PLA2G4D: variants seen among roughly 807,000 people sequenced by gnomAD.
PLA2G4D encodes the protein phospholipase A2 group IVD, also known as cytosolic phospholipase A2 delta.
In PLA2G4D, 80 loss-of-function variants were observed where a neutral mutation model predicts 94.4. The observed-to-expected ratio is 0.85, with a 90% CI of 0.71 to 1.02. The LOEUF is 1.02. Among genes scored for constraint, PLA2G4D ranks in the 50% least tolerant of loss-of-function variants. The pLI is 0.00. For missense variants in PLA2G4D, 1,050 were observed against 1,034.7 expected (o/e 1.01, Z -0.20); for synonymous variants, 438 against 440.9 (o/e 0.99, Z 0.08).
At chr15:42,072,035 C>T (rs1889834881) in intron 14 of PLA2G4D, 124 bp from the exon 15 acceptor site, 1 of 1,315,914 alleles carries the variant, frequency 7.6e-7, no homozygotes, top group African/African-American at 1.5e-5. Flanking sequence ...GGCACCAATG[C>T]AGCAGATGTG....
intron 13 of PLA2G4D, among the ~76,000 whole-genome samples, chr15:42,073,591 G>A (rs1668575): frequency 0.3 from 45,197 of 152,016 alleles, 6,916 homozygotes; most frequent in South Asian, 0.39. Context: ...ATGGAAGAGT[G>A]TCTAGTTCTA....
rs776830539 is a variant in PLA2G4D, at chr15:42,079,653, A to G, written c.1201T>C (p.Ser401Pro). The G allele has an allele frequency of 6.2e-7, 1 of 1,611,866 alleles. No homozygotes were observed. The highest frequency in any genetic ancestry group is 1.1e-5 in the South Asian group (1 of 90,792). The change falls in exon 13 of 20, where the codon TCC (serine) becomes CCC (proline). Residue 401 changes from serine to proline, a missense_variant. Ser to Pro is a moderately conservative substitution (Grantham distance 74). Coordinates refer to ENST00000290472, the MANE Select transcript of PLA2G4D (RefSeq NM_178034.4). ...CGGTAGCTCGCCAGGCGCTCTGGGG[A>G]AAAGACCTCCAGCTTGCTCTTGGCC... ...HLAKSKLEVF[S>P]PERLASYRRE... is the part of the protein sequence containing the mutation.
At chr15:42,080,811 C>G (rs75203669) in intron 12 of PLA2G4D, among the ~76,000 whole-genome samples, 186 bp downstream of exon 12, 5 of 152,210 alleles carry the variant, frequency 3.3e-5, no homozygotes, top group Admixed American at 6.5e-5. Context: ...CCTCCTGCGC[C>G]GCCTCGCTCA....
In PLA2G4D at chr15:42,084,115, T is replaced by G; in HGVS notation, c.472-336A>C. Reference sequence around the variant, plus strand: ...TGTGGCTTGGAGCTGGAGGAGGTATTCTACCACAACTCCAAATAATCTAAG... The same window carrying G: ...TGTGGCTTGGAGCTGGAGGAGGTATGCTACCACAACTCCAAATAATCTAAG... On this transcript the variant is annotated intron_variant, in intron 6 of 19. Transcript: ENST00000290472. The surrounding 1 kb of genome is among the most constrained non-coding windows in gnomAD (Gnocchi z 4.8). The G allele has an allele frequency of 3.3e-6, 1 of 301,400 alleles. No homozygotes were observed. Among genetic ancestry groups the G allele is most frequent in the Non-Finnish European group, 6.3e-6 (1 of 158,354 alleles). 18.7% of individuals were successfully genotyped at this position (301,400 alleles called of 1,614,324 possible).
chr15:42,069,800 G>A lies in PLA2G4D; in HGVS notation c.2230+109C>T, dbSNP rs1175380693. On this transcript the variant is annotated intron_variant, in intron 19 of 19. Coordinates refer to ENST00000290472, the MANE Select transcript of PLA2G4D (RefSeq NM_178034.4). Reference sequence around the variant, plus strand: ...TGGGCCTGGATGGGCCTAGCCTGAAGCCTTCTCCTGGCAGACTCATTTCCC... The same window carrying A: ...TGGGCCTGGATGGGCCTAGCCTGAAACCTTCTCCTGGCAGACTCATTTCCC... 14 of 1,038,888 alleles carry A rather than the reference G, an allele frequency of 1.3e-5. 1 individual carries two copies. The highest frequency in any genetic ancestry group is 2.1e-5 in the South Asian group (1 of 47,534). 64.4% of individuals were successfully genotyped at this position (1,038,888 alleles called of 1,614,324 possible). A position where few individuals can be genotyped will look rare whatever the true frequency, so the allele number is the denominator to read the frequency against.
intron 1 of PLA2G4D, among the ~76,000 whole-genome samples, chr15:42,093,813 C>G (rs1388173665): frequency 6.6e-6 from 1 of 152,212 alleles, no homozygotes; most frequent in African/African-American, 2.4e-5. Context: ...TCCTGGCCAC[C>G]ACCTGGGGCA....
At chr15:42,072,057 G>T in intron 14 of PLA2G4D, 146 bp from the exon 15 acceptor site, 2 of 1,175,566 alleles carry the variant, frequency 1.7e-6, no homozygotes, top group Non-Finnish European at 2.4e-6. Flanking sequence ...GGAATGGGCA[G>T]TCCTGGACTG....
intron 1 of PLA2G4D, among the ~76,000 whole-genome samples, chr15:42,088,531 C>G (rs1890194564): frequency 6.6e-6 from 1 of 152,198 alleles, no homozygotes; most frequent in African/African-American, 2.4e-5. Flanking sequence ...CAGGAGGGCC[C>G]TGGAGTTTCT....
chr15:42,093,915 TG>T (rs909963758), intron 1 of PLA2G4D, among the ~76,000 whole-genome samples: 3 of 150,538 alleles, frequency 2.0e-5, no homozygotes, highest in Non-Finnish European at 3.0e-5. Flanking sequence ...TGACAGAGGG[TG>T]GGGGGGTGGC....
intron 13 of PLA2G4D, among the ~76,000 whole-genome samples, chr15:42,075,442 A>T (rs1189543903): frequency 6.6e-6 from 1 of 152,256 alleles, no homozygotes; most frequent in Non-Finnish European, 1.5e-5. Flanking sequence ...CTGAATATGA[A>T]CTTAAACAGT....
Position 42,069,909 on chromosome 15 carries a change from C to A in PLA2G4D, c.2230G>T (p.Gly744Cys). ...GGGTGCTTGGGAGGGGCTGCCTCAC[C>A]GGGGGCTGAGTGGTCCTTGAAGGAG... ...NASFKDHSAP[G>C]VQRSPAELQG... Residue 744 changes from glycine (G) to cysteine (C), a missense_variant and splice_region_variant, in exon 19 of 20, where the codon GGT (glycine) becomes TGT (cysteine). By Grantham distance (159) the Gly-to-Cys change is radical (BLOSUM62 -3). Transcript: ENST00000290472. The A allele has an allele frequency of 7.1e-7, 1 of 1,413,692 alleles. No homozygotes were observed. The highest frequency in any genetic ancestry group is 9.2e-7 in the Non-Finnish European group (1 of 1,083,904). The allele number at this position is 1,413,692 out of a possible 1,614,324, so 87.6% of individuals were successfully genotyped here. A position where few individuals can be genotyped will look rare whatever the true frequency, so the allele number is the denominator to read the frequency against.
chr15:42,068,709 GC>G lies in PLA2G4D; in HGVS notation c.*5del, dbSNP rs759704219. 5 of 1,598,942 alleles carry G rather than the reference GC, an allele frequency of 3.1e-6. No homozygotes were observed. In the Admixed American group the frequency reaches 6.9e-5, roughly 22 times the overall value. ...CCCTGGAGGGTCCTGCAGCCTCTGA[GC>G]AACCTCAGGTCTGTGCCCTTGGAGG... is the stretch of plus-strand genomic sequence containing the variant. On this transcript the variant is annotated 3_prime_UTR_variant, in exon 20 of 20. Transcript: ENST00000290472.
rs1048500695 is a variant in PLA2G4D at position 42,090,190 on chromosome 15, A to C, written c.46-2490T>G. On this transcript the variant is annotated intron_variant, in intron 1 of 19. Transcript: ENST00000290472. The stretch of plus-strand genomic sequence containing the variant: ...TCTGTGCCTCTGTTTCCTCATGTGT[A>C]GTGGAAATAATAGTTTTGACCTCAC... Among the ~76,000 whole-genome samples, 4 of 149,354 alleles carry C rather than the reference A, an allele frequency of 2.7e-5. No homozygotes were observed. The East Asian group carries it at 5.8e-4, about 22-fold the overall frequency.
At position 42,083,754 on chromosome 15, in the gene PLA2G4D, A is replaced by T; in HGVS notation, c.497T>A (p.Val166Glu). Residue 166 changes from valine (V) to glutamate (E), a missense_variant, in exon 7 of 20, where the codon GTG (valine) becomes GAG (glutamate). Transcript: ENST00000290472. ...IVARELSCLD[V>E]HLDSTGSTAV... ...GGTGCTCCCTGTGCTGTCCAGATGC[A>T]CATCCAGGCATGACAGCTCTCGGGC... The T allele has an allele frequency of 1.9e-6, 3 of 1,613,972 alleles. No homozygotes were observed. The highest frequency in any genetic ancestry group is 2.5e-6 in the Non-Finnish European group (3 of 1,179,998).
rs781336579 is a variant in PLA2G4D at position 42,069,921 on chromosome 15, G to T, written c.2218C>A (p.His740Asn). The T allele has an allele frequency of 1.8e-5, 25 of 1,427,804 alleles. No homozygotes were observed. The African/African-American group carries it at 3.8e-4, about 22-fold the overall frequency. 88.4% of individuals were successfully genotyped at this position (1,427,804 alleles called of 1,614,324 possible). The change falls in exon 19 of 20, where the codon CAC (histidine) becomes AAC (asparagine). Residue 740 changes from histidine (H) to asparagine (N), a missense_variant. By Grantham distance (68) the His-to-Asn change is moderately conservative. Transcript: ENST00000290472. Reference protein sequence around the residue: ...FPLVNASFKDHSAPGVQRSPA... With the variant: ...FPLVNASFKDNSAPGVQRSPA... ...GGGGCTGCCTCACCGGGGGCTGAGT[G>T]GTCCTTGAAGGAGGCATTGACCAGC... is the stretch of plus-strand genomic sequence containing the variant.
intron 1 of PLA2G4D, 111 bp downstream of exon 1, chr15:42,094,304 C>T: frequency 7.6e-7 from 1 of 1,312,040 alleles, no homozygotes; most frequent in South Asian, 1.3e-5. Context: ...ACTCCCTCGC[C>T]CTCTGGCCCA....
intron 19 of PLA2G4D, 61 bp from the exon 20 acceptor site, chr15:42,069,002 G>T: frequency 6.8e-7 from 1 of 1,461,224 alleles, no homozygotes; most frequent in Non-Finnish European, 9.3e-7. Flanking sequence ...GCCTGGCAGC[G>T]GCGCACAGGG....
At chr15:42,075,206 TGTC>T (rs910217846) in intron 13 of PLA2G4D, among the ~76,000 whole-genome samples, 4 of 152,216 alleles carry the variant, frequency 2.6e-5, no homozygotes, top group African/African-American at 9.6e-5. Context: ...AATTAAAAAA[TGTC>T]TTCTAAAAAA....
At chr15:42,076,627 G>A (rs1488260745) in intron 13 of PLA2G4D, among the ~76,000 whole-genome samples, 1 of 152,134 alleles carries the variant, frequency 6.6e-6, no homozygotes, top group Non-Finnish European at 1.5e-5. Context: ...AACATCAACT[G>A]TCTAACTAAA....
Sources: allele counts gnomAD v4.1 joint callset (sites outside exome capture counted in the v4.1 genomes callset), GRCh38; gene constraint gnomAD v4.1.1; non-coding constraint Gnocchi (gnomAD v3.1); transcripts MANE v1.5; gene names NCBI Gene and HGNC (gene_info 2026-07-23, HGNC 2026-07-21).